The following DISC1 variants were observed in gnomAD, a reference collection of about 807,000 sequenced individuals.
DISC1 encodes the protein DISC1 scaffold protein, also known as disrupted in schizophrenia 1 protein.
Under a neutral mutation model 84.5 loss-of-function variants are expected in DISC1, and 57 were observed. The ratio of observed to expected loss-of-function variants is 0.67; its 90% CI spans 0.55 to 0.84. The LOEUF is 0.84. Among genes scored for constraint, DISC1 ranks in the 40% least tolerant of loss-of-function variants. The pLI is 0.00. For synonymous variants in DISC1, 411 were observed against 415.2 expected, an observed-to-expected ratio of 0.99 and a Z score of 0.12; for missense variants, 1,000 against 1,057.8, an observed-to-expected ratio of 0.95 and a Z score of 0.76.
chr1:231,966,199 A>G (rs1157404356), intron 10 of DISC1, among the ~76,000 whole-genome samples: 6 of 152,300 alleles, frequency 3.9e-5, no homozygotes, highest in African/African-American at 1.4e-4. Flanking sequence ...ACCTGAGAAG[A>G]TACAGTGCCC....
chr1:231,725,540 G>A (rs2070530869), intron 3 of DISC1, among the ~76,000 whole-genome samples: 1 of 152,128 alleles, frequency 6.6e-6, no homozygotes, highest in African/African-American at 2.4e-5. Context: ...ATTGAAAGTG[G>A]GAATAAACAC....
intron 1 of DISC1, among the ~76,000 whole-genome samples, chr1:231,690,380 A>G (rs1298024234): frequency 6.6e-6 from 1 of 152,180 alleles, no homozygotes; most frequent in African/African-American, 2.4e-5. Context: ...GGAACGAGGC[A>G]TCTCTGGGTT....
At chr1:231,643,609 G>T (rs942226109) in intron 1 of DISC1, among the ~76,000 whole-genome samples, 7 of 152,204 alleles carry the variant, frequency 4.6e-5, no homozygotes, top group Non-Finnish European at 7.3e-5. Context: ...TATTATTATT[G>T]AGGAGCTATT....
At chr1:231,977,361 A>G (rs1278843624) in intron 10 of DISC1, among the ~76,000 whole-genome samples, 1 of 152,234 alleles carries the variant, frequency 6.6e-6, no homozygotes, top group East Asian at 1.9e-4. Flanking sequence ...TTCTCTCTGA[A>G]GGCTCCAGGG....
intron 3 of DISC1, among the ~76,000 whole-genome samples, chr1:231,721,441 A>G (rs2069684219): frequency 6.6e-6 from 1 of 152,256 alleles, no homozygotes; most frequent in African/African-American, 2.4e-5. Flanking sequence ...AATCTGGCTG[A>G]GATTAATATT....
chr1:231,859,826 G>T (rs2084523668), intron 9 of DISC1, among the ~76,000 whole-genome samples: 1 of 152,164 alleles, frequency 6.6e-6, no homozygotes, highest in Non-Finnish European at 1.5e-5. Context: ...GGGCTCTTCT[G>T]CCAGATTTTG....
intron 10 of DISC1, among the ~76,000 whole-genome samples, chr1:231,962,487 C>G (rs541992806): frequency 6.6e-6 from 1 of 152,076 alleles, no homozygotes; most frequent in East Asian, 1.9e-4. Context: ...GCCTGAATAT[C>G]CAAAACAATC....
chr1:231,899,107 T>C (rs1489453992), intron 9 of DISC1, among the ~76,000 whole-genome samples: 1 of 152,144 alleles, frequency 6.6e-6, no homozygotes, highest in African/African-American at 2.4e-5. Flanking sequence ...CCCAACCAGC[T>C]AGCTACAGTC....
At chr1:231,727,577 G>C (rs1167354060) in intron 3 of DISC1, among the ~76,000 whole-genome samples, 1 of 152,120 alleles carries the variant, frequency 6.6e-6, no homozygotes, top group Non-Finnish European at 1.5e-5. Context: ...TCAGAGAGAC[G>C]CCCCTTGAGT....
At chr1:231,946,023 A>G (rs112549743) in intron 9 of DISC1, among the ~76,000 whole-genome samples, 3 of 152,242 alleles carry the variant, frequency 2.0e-5, no homozygotes, top group South Asian at 2.1e-4. Context: ...GCCGAATTCT[A>G]CCAGAGGTAC....
intron 9 of DISC1, among the ~76,000 whole-genome samples, chr1:231,823,408 G>A (rs1419601250): frequency 6.6e-6 from 1 of 152,168 alleles, no homozygotes; most frequent in Non-Finnish European, 1.5e-5. Flanking sequence ...AATGTCAAGT[G>A]TTAATTATTT....
intron 1 of DISC1, among the ~76,000 whole-genome samples, chr1:231,635,113 T>C (rs202202197): frequency 2.0e-5 from 3 of 152,024 alleles, no homozygotes; most frequent in Non-Finnish European, 4.4e-5. Flanking sequence ...ATTATGTCAT[T>C]ATGTCTCTGT....
At chr1:232,032,639 G>A (rs1670162403) in intron 12 of DISC1, among the ~76,000 whole-genome samples, 1 of 152,120 alleles carries the variant, frequency 6.6e-6, no homozygotes, top group African/African-American at 2.4e-5. Flanking sequence ...TCTGTTATGG[G>A]GGGCAGATAC....
intron 9 of DISC1, among the ~76,000 whole-genome samples, chr1:231,949,825 C>T (rs1250047847): frequency 6.6e-6 from 1 of 152,186 alleles, no homozygotes; most frequent in Non-Finnish European, 1.5e-5. Flanking sequence ...TTGCGAAATT[C>T]CCTCAGTGAA....
chr1:231,801,549 C>T (rs1326534632), intron 8 of DISC1, among the ~76,000 whole-genome samples: 2 of 152,316 alleles, frequency 1.3e-5, no homozygotes, highest in East Asian at 3.9e-4. Flanking sequence ...GAGGCCTGAT[C>T]TGCTGAAGGA....
chr1:231,741,097 G>A (rs773841435), intron 3 of DISC1, among the ~76,000 whole-genome samples: 1 of 152,248 alleles, frequency 6.6e-6, no homozygotes, highest in African/African-American at 2.4e-5. Context: ...CATGGAAGGA[G>A]TGAGAGAGAT....
intron 6 of DISC1, among the ~76,000 whole-genome samples, chr1:231,772,391 G>T (rs534733380): frequency 1.3e-5 from 2 of 152,320 alleles, no homozygotes; most frequent in South Asian, 4.1e-4. Flanking sequence ...CGTGGGTAGA[G>T]CCGGGAGTGG....
intron 9 of DISC1, among the ~76,000 whole-genome samples, chr1:231,832,640 G>A (rs200852651): frequency 0.047 from 6,924 of 145,872 alleles, 321 homozygotes; most frequent in East Asian, 0.28. Context: ...AAGTGAAAGC[G>A]AAGAGAGGCT....
intron 1 of DISC1, among the ~76,000 whole-genome samples, chr1:231,629,972 G>A (rs771210257): frequency 1.3e-5 from 2 of 152,002 alleles, no homozygotes; most frequent in Non-Finnish European, 2.9e-5. Context: ...TCGTTCTGTC[G>A]CCAGGCTGGA....
Sources: gnomAD v4.1 joint callset for allele counts (sites outside exome capture counted in the v4.1 genomes callset) on GRCh38, gnomAD v4.1.1 for gene constraint, MANE v1.5 for transcripts, NCBI Gene and HGNC (gene_info 2026-07-23, HGNC 2026-07-21) for gene names.